NCOR2: variants seen among roughly 807,000 people sequenced by gnomAD.
NCOR2 encodes nuclear receptor corepressor 2, also known as CTG repeat protein 26.
NCOR2 carries 81 observed loss-of-function variants against 262.9 expected under a neutral mutation model. The observed-to-expected ratio is 0.31, with a 90% CI of 0.26 to 0.37. The LOEUF (loss-of-function observed/expected upper bound fraction) is 0.37. NCOR2 is among the 10% of genes least tolerant of loss of function. The pLI, the probability that NCOR2 is intolerant of heterozygous loss-of-function variation, is 1.00. For missense variants in NCOR2, 3,385 were observed against 3,621.4 expected, an observed-to-expected ratio of 0.93 and a Z score of 1.68; for synonymous variants, 1,659 against 1,559.3, an observed-to-expected ratio of 1.06 and a Z score of -1.51.
intron 30 of NCOR2, 143 bp from the exon 33 acceptor site, chr12:124,346,993 C>T: frequency 3.0e-6 from 3 of 1,004,396 alleles, no homozygotes; most frequent in Non-Finnish European, 4.1e-6. Context: ...TCTGACCTCT[C>T]TGGGCCTCAG....
chr12:124,474,187 C>G (rs2046973760), intron 3 of NCOR2, among the ~76,000 whole-genome samples: 1 of 152,234 alleles, frequency 6.6e-6, no homozygotes, highest in Non-Finnish European at 1.5e-5. Flanking sequence ...ATCCATGAAG[C>G]TCAGTCCAAA....
chr12:124,491,378 C>T (rs1306086699), intron 1 of NCOR2, among the ~76,000 whole-genome samples: 1 of 152,258 alleles, frequency 6.6e-6, no homozygotes, highest in Non-Finnish European at 1.5e-5. Flanking sequence ...ACTATCCTTG[C>T]TCAACTGATA....
In NCOR2 at chr12:124,373,781, CTGGG is replaced by C. The variant is rs1377911960; in HGVS notation, c.2218+628_2218+631del. On this transcript the variant is annotated intron_variant, in intron 19 of 46. Coordinates refer to ENST00000405201, the Ensembl canonical transcript of NCOR2. Reference sequence around the variant, plus strand: ...TGAGGCCAGTGCGTGTGCAGGGGCCCTGGGCACGGTGGACAATCATGAGGCCAGT... The same window carrying C: ...TGAGGCCAGTGCGTGTGCAGGGGCCCCACGGTGGACAATCATGAGGCCAGT... Among the ~76,000 whole-genome samples the C allele has an allele frequency of 4.9e-3, 70 of 14,328 alleles. 18 individuals carry two copies. Among genetic ancestry groups the C allele is most frequent in the Middle Eastern group, 0.17 (2 of 12 alleles). 9.4% of individuals were successfully genotyped at this position (14,328 alleles called of 152,430 possible).
chr12:124,348,460 G>A, intron 28 of NCOR2, 146 bp from the exon 31 acceptor site: 2 of 1,145,100 alleles, frequency 1.7e-6, no homozygotes, highest in Non-Finnish European at 2.4e-6. Context: ...GAGGCCTCCA[G>A]AGGGAGCTGG....
chr12:124,455,415 G>T (rs779537532), intron 6 of NCOR2, among the ~76,000 whole-genome samples: 3 of 152,200 alleles, frequency 2.0e-5, no homozygotes, highest in Admixed American at 1.3e-4. Flanking sequence ...CTGAAGGGGT[G>T]GGGGAGCCCA....
chr12:124,507,564 C>G (rs2049118607), intron 1 of NCOR2, among the ~76,000 whole-genome samples: 2 of 152,210 alleles, frequency 1.3e-5, no homozygotes, highest in African/African-American at 4.8e-5. Context: ...ACCTCAGGAC[C>G]CCATGACGGC....
At chr12:124,463,662 C>T (rs572176203) in intron 5 of NCOR2, among the ~76,000 whole-genome samples, 13 of 152,278 alleles carry the variant, frequency 8.5e-5, no homozygotes, top group Non-Finnish European at 1.9e-4. Context: ...TCCTCCATCT[C>T]TCCAGGAACC....
intron 6 of NCOR2, among the ~76,000 whole-genome samples, chr12:124,450,747 G>A (rs2045471658): frequency 6.6e-6 from 1 of 152,214 alleles, no homozygotes; most frequent in African/African-American, 2.4e-5. Context: ...CCTCCCAGAT[G>A]GAAGAACCTT....
chr12:124,564,041 T>C (rs2052154645), intron 1 of NCOR2, among the ~76,000 whole-genome samples: 1 of 152,170 alleles, frequency 6.6e-6, no homozygotes, highest in Non-Finnish European at 1.5e-5. Context: ...CACCAACTCA[T>C]AGAGGAGTTA....
chr12:124,388,144 C>A (rs1199374582), intron 16 of NCOR2, among the ~76,000 whole-genome samples: 2 of 152,134 alleles, frequency 1.3e-5, no homozygotes, highest in Non-Finnish European at 2.9e-5. Context: ...AGGAGCTGGG[C>A]AGAGTCATCC....
intron 22 of NCOR2, 107 bp from the exon 25 acceptor site, chr12:124,356,889 G>T: frequency 7.5e-7 from 1 of 1,335,332 alleles, no homozygotes; most frequent in Non-Finnish European, 9.7e-7. Flanking sequence ...CACAGTAGTG[G>T]TGGCCTGTGA....
At chr12:124,514,943 C>G (rs909349735) in intron 1 of NCOR2, 7 of 152,488 alleles carry the variant, frequency 4.6e-5, no homozygotes, top group Middle Eastern at 3.4e-3. Flanking sequence ...CCCTATCCCA[C>G]CCCCATCTCT....
At chr12:124,386,200 G>C (rs76737739) in intron 16 of NCOR2, among the ~76,000 whole-genome samples, 6 of 152,080 alleles carry the variant, frequency 3.9e-5, no homozygotes, top group African/African-American at 9.7e-5. Context: ...GCCACTGCGC[G>C]GGAGTCTGGG....
intron 3 of NCOR2, among the ~76,000 whole-genome samples, chr12:124,480,742 T>C (rs75444392): frequency 0.091 from 13,713 of 150,400 alleles, 767 homozygotes; most frequent in African/African-American, 0.16. Flanking sequence ...CAGGCGCCCT[T>C]GTCCGGCTGT....
At chr12:124,337,397 G>A in intron 37 of NCOR2, 2 of 716,106 alleles carry the variant, frequency 2.8e-6, no homozygotes, top group South Asian at 3.0e-5. Context: ...CAAAACTTCT[G>A]ATTAAGCAGC....
chr12:124,494,747 G>A (rs2048288419), intron 1 of NCOR2, among the ~76,000 whole-genome samples: 1 of 152,158 alleles, frequency 6.6e-6, no homozygotes, highest in Non-Finnish European at 1.5e-5. Flanking sequence ...GGGGAGCTGT[G>A]ACCTATCCGG....
At chr12:124,374,138 T>C (rs2039790317) in intron 19 of NCOR2, among the ~76,000 whole-genome samples, 1 of 152,198 alleles carries the variant, frequency 6.6e-6, no homozygotes, top group African/African-American at 2.4e-5. Flanking sequence ...GCATTTGCTA[T>C]CAGGGAAATC....
intron 16 of NCOR2, among the ~76,000 whole-genome samples, chr12:124,395,841 A>G (rs897620550): frequency 2.6e-5 from 4 of 152,230 alleles, no homozygotes; most frequent in African/African-American, 9.6e-5. Context: ...GAAATCTCCC[A>G]GCCAACAGGC....
chr12:124,430,483 T>G (rs947861390), intron 9 of NCOR2, 132 bp downstream of exon 11: 27 of 1,081,668 alleles, frequency 2.5e-5, no homozygotes, highest in African/African-American at 4.7e-5. Flanking sequence ...CAGGGTCTGG[T>G]AGGGCCCTGG....
Sources: allele counts gnomAD v4.1 joint callset (sites outside exome capture counted in the v4.1 genomes callset), GRCh38; gene constraint gnomAD v4.1.1; transcripts MANE v1.5; gene names NCBI Gene and HGNC (gene_info 2026-07-23, HGNC 2026-07-21).